CLPB: variants seen among roughly 807,000 people sequenced by gnomAD.
The protein encoded by CLPB is ClpB family mitochondrial disaggregase, also known as mitochondrial disaggregase.
CLPB carries 40 observed loss-of-function variants against 78.4 expected under a neutral mutation model. That is an observed-to-expected ratio of 0.51 (90% confidence interval 0.40 to 0.66). The LOEUF is 0.66. Among genes scored for constraint, CLPB ranks in the 30% least tolerant of loss-of-function variants. The pLI, the probability that CLPB is intolerant of heterozygous loss-of-function variation, is 0.00. For missense variants in CLPB, 780 were observed against 886.9 expected (o/e 0.88, Z 1.53); for synonymous variants, 333 against 348.0 (o/e 0.96, Z 0.48).
intron 3 of CLPB, among the ~76,000 whole-genome samples, chr11:72,384,552 C>T (rs558583818): frequency 6.6e-6 from 1 of 152,160 alleles, no homozygotes; most frequent in East Asian, 1.9e-4. Flanking sequence ...AACCAGAAAA[C>T]AACAAAACGT....
At chr11:72,382,399 T>A (rs1373363650) in intron 3 of CLPB, among the ~76,000 whole-genome samples, 1 of 152,114 alleles carries the variant, frequency 6.6e-6, no homozygotes, top group Non-Finnish European at 1.5e-5. Flanking sequence ...AGGCGCCAAG[T>A]CAATCCCAAT....
At chr11:72,386,701 T>C (rs1224755025) in intron 3 of CLPB, among the ~76,000 whole-genome samples, 1 of 152,246 alleles carries the variant, frequency 6.6e-6, no homozygotes, top group East Asian at 1.9e-4. Context: ...CTTCTGTGCC[T>C]ACTCACCTTA....
At chr11:72,372,364 A>C (rs1951059428) in intron 4 of CLPB, among the ~76,000 whole-genome samples, 1 of 152,206 alleles carries the variant, frequency 6.6e-6, no homozygotes, top group African/African-American at 2.4e-5. Context: ...AATAACCTTT[A>C]TTTTACAAAT....
At chr11:72,344,854 T>C (rs995949883) in intron 5 of CLPB, among the ~76,000 whole-genome samples, 2 of 152,108 alleles carry the variant, frequency 1.3e-5, no homozygotes, top group Non-Finnish European at 2.9e-5. Flanking sequence ...CCAAAAGTCC[T>C]ATAGAAAAGT....
In CLPB at chr11:72,301,931, C is replaced by T. The variant is rs777151336; in HGVS notation, c.1201G>A (p.Val401Ile). 2.1e-5 allele frequency: 34 copies of T among 1,614,034 alleles called. No homozygotes were observed. The highest frequency in any genetic ancestry group is 2.7e-5 in the African/African-American group (2 of 74,904). The change falls in exon 11 of 16, where the codon GTT becomes ATT. Residue 401 changes from valine to isoleucine, a missense_variant. Val to Ile is a conservative substitution (Grantham distance 29). Transcript: ENST00000538039. ...AKFIGSPPGY[V>I]GHEEGGQLTK... ...AGCTGGCCACCCTCCTCATGGCCAA[C>T]GTAGCCTGGTGGAGACCCAATAAAC... is the stretch of plus-strand genomic sequence containing the variant.
intron 4 of CLPB, among the ~76,000 whole-genome samples, chr11:72,374,090 C>T (rs1452210611): frequency 6.6e-6 from 1 of 152,044 alleles, no homozygotes; most frequent in African/African-American, 2.4e-5. Flanking sequence ...GGCGAGAATC[C>T]CCTTTACAGA....
intron 3 of CLPB, among the ~76,000 whole-genome samples, chr11:72,389,746 T>C: frequency 6.6e-6 from 1 of 152,034 alleles, no homozygotes. Context: ...GGCAACATAG[T>C]GAGATCCTGT....
At chr11:72,432,309 C>T (rs942126819) in intron 1 of CLPB, among the ~76,000 whole-genome samples, 3 of 152,162 alleles carry the variant, frequency 2.0e-5, no homozygotes, top group South Asian at 2.1e-4. Flanking sequence ...TCTAGGTATT[C>T]GGGAAAGTTG....
At chr11:72,376,916 T>C (rs1854721288) in intron 4 of CLPB, among the ~76,000 whole-genome samples, 1 of 152,138 alleles carries the variant, frequency 6.6e-6, no homozygotes. Flanking sequence ...GTGATCTGCT[T>C]GCCTCGGCCT....
intron 8 of CLPB, 131 bp from the exon 9 acceptor site, chr11:72,307,385 A>ATCCTT: frequency 1.3e-6 from 1 of 766,458 alleles, no homozygotes; most frequent in Non-Finnish European, 2.2e-6. Context: ...CGCAGAAAGG[A>ATCCTT]TCAGCGACTC....
chr11:72,411,147 A>G (rs1379719787), intron 2 of CLPB, among the ~76,000 whole-genome samples: 2 of 152,230 alleles, frequency 1.3e-5, no homozygotes, highest in African/African-American at 2.4e-5. Context: ...GGTGCCTGCC[A>G]TGGCAGTTGG....
At chr11:72,338,775 T>C (rs1167972682) in intron 5 of CLPB, among the ~76,000 whole-genome samples, 4 of 152,260 alleles carry the variant, frequency 2.6e-5, no homozygotes, top group Admixed American at 2.6e-4. Context: ...GGAATGATGA[T>C]GATCACTAGG....
chr11:72,338,830 C>T (rs1194764008), intron 5 of CLPB, among the ~76,000 whole-genome samples: 1 of 152,234 alleles, frequency 6.6e-6, no homozygotes, highest in Non-Finnish European at 1.5e-5. Flanking sequence ...AGACTAACCT[C>T]TCCTTTCTTT....
chr11:72,289,563 T>A lies in CLPB; in HGVS notation c.*3804A>T, dbSNP rs1949427642. The A allele has an allele frequency of 6.6e-6, 1 of 152,202 alleles. No homozygotes were observed. The highest frequency in any genetic ancestry group is 3.2e-3 in the Middle Eastern group (1 of 316). 9.4% of individuals were successfully genotyped at this position (152,202 alleles called of 1,614,324 possible). On this transcript the variant is annotated 3_prime_UTR_variant, in exon 16 of 16. Coordinates refer to ENST00000538039, the MANE Select transcript of CLPB (RefSeq NM_001258392.3). ...TGAATTAAAACCGTATCTAAACTCATGATTTTTATTTATTTTTAAAAATAT... is the reference window on the plus strand; with the variant it reads ...TGAATTAAAACCGTATCTAAACTCAAGATTTTTATTTATTTTTAAAAATAT...
intron 11 of CLPB, among the ~76,000 whole-genome samples, chr11:72,301,552 G>A (rs1044016091): frequency 6.6e-6 from 1 of 152,196 alleles, no homozygotes; most frequent in Non-Finnish European, 1.5e-5. Flanking sequence ...GCCATACCAT[G>A]TCTCTCTAGA....
At position 72,290,138 on chromosome 11, in the gene CLPB, T is replaced by C. The variant is rs1159806312; in HGVS notation, c.*3229A>G. 1 of 152,174 alleles carries C rather than the reference T, an allele frequency of 6.6e-6. No homozygotes were observed. Among genetic ancestry groups the C allele is most frequent in the African/African-American group, 2.4e-5 (1 of 41,428 alleles). The allele number at this position is 152,174 out of a possible 1,614,324, so 9.4% of individuals were successfully genotyped here. ...TGGGAGCTTCTTAGAGAATGACTGA[T>C]GCCAGGGCTGAGATAGGGAAAATGT... On this transcript the variant is annotated 3_prime_UTR_variant, in exon 16 of 16. Transcript: ENST00000538039.
chr11:72,295,467 A>G, intron 12 of CLPB, 25 bp downstream of exon 12: 1 of 1,610,638 alleles, frequency 6.2e-7, no homozygotes, highest in Non-Finnish European at 8.5e-7. Context: ...TCACTGGACC[A>G]GACTGCTCAG....
intron 4 of CLPB, among the ~76,000 whole-genome samples, chr11:72,362,760 T>C (rs1370020951): frequency 6.6e-6 from 1 of 152,166 alleles, no homozygotes; most frequent in Non-Finnish European, 1.5e-5. Flanking sequence ...TAAATGTTAG[T>C]CATTATCTCA....
chr11:72,343,498 C>A (rs1164250847), intron 5 of CLPB, among the ~76,000 whole-genome samples: 1 of 152,146 alleles, frequency 6.6e-6, no homozygotes, highest in Non-Finnish European at 1.5e-5. Context: ...TTTAAAAAAA[C>A]CAGAAGCTTC....
Sources: allele counts gnomAD v4.1 joint callset (sites outside exome capture counted in the v4.1 genomes callset), GRCh38; gene constraint gnomAD v4.1.1; transcripts MANE v1.5; gene names NCBI Gene and HGNC (gene_info 2026-07-23, HGNC 2026-07-21).